MARK1: variants seen among roughly 807,000 people sequenced by gnomAD.
MARK1 encodes the protein serine/threonine-protein kinase MARK1.
In MARK1, 40 loss-of-function variants were observed where a neutral mutation model predicts 96.3. The ratio of observed to expected loss-of-function variants is 0.42; its 90% confidence interval spans 0.32 to 0.54. The LOEUF (loss-of-function observed/expected upper bound fraction) is 0.54. MARK1 is among the 20% of genes least tolerant of loss of function. The pLI, the probability that MARK1 is intolerant of heterozygous loss-of-function variation, is 0.16. For synonymous variants in MARK1, 317 were observed against 341.2 expected (o/e 0.93, Z 0.78); for missense variants, 719 against 984.6 (o/e 0.73, Z 3.61).
chr1:220,633,975 T>C (rs1281537588), intron 11 of MARK1, among the ~76,000 whole-genome samples: 2 of 152,326 alleles, frequency 1.3e-5, no homozygotes, highest in South Asian at 4.1e-4. Context: ...CACACAGTAG[T>C]GTGCCAGGAA....
intron 1 of MARK1, among the ~76,000 whole-genome samples, chr1:220,553,058 C>T (rs1661978319): frequency 6.6e-6 from 1 of 152,182 alleles, no homozygotes; most frequent in African/African-American, 2.4e-5. Flanking sequence ...CTGATGTATA[C>T]AGCATGAGTC....
chr1:220,642,469 C>G (rs987614372), intron 13 of MARK1, among the ~76,000 whole-genome samples: 1 of 152,160 alleles, frequency 6.6e-6, no homozygotes, highest in South Asian at 2.1e-4. Context: ...CAGGGTCTTA[C>G]AGACAGAACT....
At chr1:220,606,839 C>T (rs374521532) in intron 6 of MARK1, among the ~76,000 whole-genome samples, 18 of 152,124 alleles carry the variant, frequency 1.2e-4, no homozygotes, top group African/African-American at 2.7e-4. Flanking sequence ...TGTAGATGTG[C>T]GGCATTATTT....
Position 220,546,840 on chromosome 1 carries a change from C to T in MARK1, c.51+17967C>T, listed in dbSNP as rs564572557. Reference sequence around the variant, plus strand: ...ACAAAAAATTAGCTGGGCATGGCGGCGTGCGCCTGTAGTCCCAGCTACTCG... The same window carrying T: ...ACAAAAAATTAGCTGGGCATGGCGGTGTGCGCCTGTAGTCCCAGCTACTCG... On this transcript the variant is annotated intron_variant, in intron 1 of 17. Transcript: ENST00000366917. 8.4e-4 allele frequency among the ~76,000 whole-genome samples: 127 copies of T among 152,080 alleles called. 4 individuals are homozygous for T. The South Asian group carries it at 0.025, about 30-fold the overall frequency.
At chr1:220,586,899 A>G (rs891309027) in intron 3 of MARK1, among the ~76,000 whole-genome samples, 5 of 152,082 alleles carry the variant, frequency 3.3e-5, no homozygotes, top group Non-Finnish European at 7.4e-5. Flanking sequence ...TAATTTTTGG[A>G]TGGGGACTTC....
chr1:220,553,030 G>A (rs1372694501), intron 1 of MARK1, among the ~76,000 whole-genome samples: 2 of 152,176 alleles, frequency 1.3e-5, no homozygotes, highest in East Asian at 3.9e-4. Context: ...AGAATGGGTG[G>A]CTGGAGAAAG....
At chr1:220,579,227 C>A in intron 1 of MARK1, 127 bp from the exon 2 acceptor site, 2 of 675,102 alleles carry the variant, frequency 3.0e-6, no homozygotes, top group Non-Finnish European at 5.1e-6. Flanking sequence ...AATGCTCAAA[C>A]TTTAAAAGGA....
chr1:220,594,152 G>C (rs921511071), intron 3 of MARK1, among the ~76,000 whole-genome samples: 1 of 152,190 alleles, frequency 6.6e-6, no homozygotes, highest in East Asian at 1.9e-4. Flanking sequence ...ATTGGAGCAG[G>C]CTTCTCAAAA....
chr1:220,599,719 T>G, intron 4 of MARK1, 79 bp from the exon 5 acceptor site: 2 of 692,724 alleles, frequency 2.9e-6, no homozygotes, highest in Non-Finnish European at 4.8e-6. Context: ...TCTACTAGTT[T>G]AGTGTTACCT....
intron 1 of MARK1, among the ~76,000 whole-genome samples, chr1:220,537,863 C>G (rs1203441538): frequency 6.6e-6 from 1 of 151,752 alleles, no homozygotes; most frequent in Admixed American, 6.6e-5. Flanking sequence ...TTTCATGTGT[C>G]TTTTGGCTGC....
chr1:220,588,602 G>A (rs138230957), intron 3 of MARK1, among the ~76,000 whole-genome samples: 1 of 152,242 alleles, frequency 6.6e-6, no homozygotes, highest in Non-Finnish European at 1.5e-5. Flanking sequence ...AGTGCTGCTA[G>A]CAATAATTTT....
At chr1:220,593,443 A>G (rs1665125458) in intron 3 of MARK1, among the ~76,000 whole-genome samples, 1 of 152,194 alleles carries the variant, frequency 6.6e-6, no homozygotes, top group South Asian at 2.1e-4. Flanking sequence ...TAAAACCTAG[A>G]ATCATCAGAT....
intron 13 of MARK1, among the ~76,000 whole-genome samples, chr1:220,638,049 T>C (rs964708988): frequency 2.6e-5 from 4 of 152,182 alleles, no homozygotes; most frequent in Admixed American, 2.6e-4. Context: ...ACTTCAAGAA[T>C]TGATGGATAA....
In MARK1 at chr1:220,650,539, CAA is replaced by C. The variant is rs368284492; in HGVS notation, c.1471-79_1471-78del. ...CAATTAAAATTCTGTGGATTTTTCTCAAAGTCAGCTTAAATACATTTCTTTGG... is the reference window on the plus strand; with the variant it reads ...CAATTAAAATTCTGTGGATTTTTCTCAGTCAGCTTAAATACATTTCTTTGG... On this transcript the variant is annotated intron_variant, in intron 13 of 17. Transcript: ENST00000366917. 6.1e-5 allele frequency: 52 copies of C among 849,102 alleles called. No homozygotes were observed. In the East Asian group the frequency reaches 9.4e-4, roughly 15 times the overall value. The allele number at this position is 849,102 out of a possible 1,614,324, so 52.6% of individuals were successfully genotyped here.
chr1:220,603,819 T>A (rs972388332), intron 5 of MARK1, among the ~76,000 whole-genome samples: 3 of 152,072 alleles, frequency 2.0e-5, no homozygotes, highest in African/African-American at 7.2e-5. Flanking sequence ...AAAGCAAGTT[T>A]TCTTGGTTGT....
At chr1:220,615,396 T>G (rs111337668) in intron 6 of MARK1, among the ~76,000 whole-genome samples, 5 of 152,186 alleles carry the variant, frequency 3.3e-5, no homozygotes, top group African/African-American at 1.2e-4. Context: ...TTTTTAAGGC[T>G]CAAACATTTT....
chr1:220,575,210 G>A lies in MARK1; in HGVS notation c.52-4144G>A, dbSNP rs553360089. On this transcript the variant is annotated intron_variant, in intron 1 of 17. Coordinates refer to ENST00000366917, the MANE Select transcript of MARK1 (RefSeq NM_018650.5). ...CTGCACACTCAGGGCAAGCTTTAGG[G>A]TCACATTACCACTGCTGCAGAAAGA... 7.9e-5 allele frequency among the ~76,000 whole-genome samples: 12 copies of A among 152,274 alleles called. 1 individual carries two copies. In the South Asian group the frequency reaches 2.5e-3, roughly 32 times the overall value.
intron 3 of MARK1, among the ~76,000 whole-genome samples, chr1:220,585,525 G>A (rs1664536994): frequency 1.3e-5 from 2 of 152,072 alleles, no homozygotes; most frequent in South Asian, 2.1e-4. Flanking sequence ...TTTAATTACT[G>A]GGGAAAGGGC....
chr1:220,599,292 T>C (rs1401549765), intron 4 of MARK1, among the ~76,000 whole-genome samples: 1 of 152,252 alleles, frequency 6.6e-6, no homozygotes, highest in Non-Finnish European at 1.5e-5. Flanking sequence ...AAAAATCTTA[T>C]CTGTATATAG....
Sources: gnomAD v4.1 joint callset for allele counts (sites outside exome capture counted in the v4.1 genomes callset) on GRCh38, gnomAD v4.1.1 for gene constraint, MANE v1.5 for transcripts, NCBI Gene and HGNC (gene_info 2026-07-23, HGNC 2026-07-21) for gene names.